The following HNRNPLL variants were observed in gnomAD, a reference collection of about 807,000 sequenced individuals.
The protein encoded by HNRNPLL is heterogeneous nuclear ribonucleoprotein L like, also known as heterogeneous nuclear ribonucleoprotein L-like.
A neutral mutation model predicts 67.1 loss-of-function variants in HNRNPLL; 25 were observed. That is an observed-to-expected ratio of 0.37 (90% CI 0.27 to 0.52). The LOEUF (loss-of-function observed/expected upper bound fraction) is 0.52. Among genes scored for constraint, HNRNPLL ranks in the 20% least tolerant of loss-of-function variants. The probability of loss-of-function intolerance (pLI) is 0.90; values close to 1 mark genes in which losing one functional copy is unlikely to be tolerated. For missense variants in HNRNPLL, 542 were observed against 673.9 expected, an observed-to-expected ratio of 0.80 and a Z score of 2.17; for synonymous variants, 267 against 241.7, an observed-to-expected ratio of 1.10 and a Z score of -0.97.
chr2:38,600,191 G>A (rs765650950), intron 1 of HNRNPLL, among the ~76,000 whole-genome samples: 9 of 152,132 alleles, frequency 5.9e-5, no homozygotes, highest in Non-Finnish European at 1.3e-4. Context: ...TGGTTTTACT[G>A]TTAAATGAAA....
At position 38,602,501 on chromosome 2, in the gene HNRNPLL, G is replaced by C; in HGVS notation, c.126C>G (p.Arg42=). 3.9e-6 allele frequency: 6 copies of C among 1,548,382 alleles called. No homozygotes were observed. Among genetic ancestry groups the C allele is most frequent in the Non-Finnish European group, 5.2e-6 (6 of 1,148,360 alleles). Residue 42 remains arginine (R), a synonymous_variant, in exon 1 of 13, where the codon CGC becomes CGG. Coordinates refer to ENST00000449105, the MANE Select transcript of HNRNPLL (RefSeq NM_138394.4). ...CCCCGCCCCGGGGCGTCGCTTCCCG[G>C]CGGTTCTCGCCTTCCTCGGCCGAGT... ...IDYSAEEGEN[R]REATPRGGGD... is the part of the protein sequence containing the mutation.
intron 1 of HNRNPLL, chr2:38,599,749 C>A: frequency 3.0e-6 from 1 of 337,810 alleles, no homozygotes; most frequent in South Asian, 2.3e-5. Flanking sequence ...TTCTTAAATA[C>A]TCACTTTCCT....
At chr2:38,586,840 C>G (rs1315319463) in intron 2 of HNRNPLL, among the ~76,000 whole-genome samples, 1 of 151,730 alleles carries the variant, frequency 6.6e-6, no homozygotes, top group Non-Finnish European at 1.5e-5. Context: ...AACGAAGCAG[C>G]CAAAAAAACC....
At chr2:38,600,543 T>C (rs1167293420) in intron 1 of HNRNPLL, among the ~76,000 whole-genome samples, 1 of 151,864 alleles carries the variant, frequency 6.6e-6, no homozygotes, top group African/African-American at 2.4e-5. Context: ...GCTTTGGCAA[T>C]ATGGTGAAAC....
intron 4 of HNRNPLL, among the ~76,000 whole-genome samples, chr2:38,583,065 C>G (rs559948275): frequency 6.6e-6 from 1 of 152,170 alleles, no homozygotes; most frequent in South Asian, 2.1e-4. Context: ...TTAAGAAGAA[C>G]ATTACAAAGA....
chr2:38,595,152 C>T (rs773391506), intron 1 of HNRNPLL, among the ~76,000 whole-genome samples: 3 of 150,522 alleles, frequency 2.0e-5, no homozygotes, highest in Non-Finnish European at 4.4e-5. Flanking sequence ...TGGTGGGGTA[C>T]GCCTGTAGTC....
At chr2:38,593,122 G>A (rs1667027350) in intron 1 of HNRNPLL, among the ~76,000 whole-genome samples, 1 of 152,132 alleles carries the variant, frequency 6.6e-6, no homozygotes, top group Non-Finnish European at 1.5e-5. Flanking sequence ...TCTATCCTTG[G>A]AATTTATTTG....
Position 38,564,144 on chromosome 2 carries a change from A to G in HNRNPLL, c.*38T>C, listed in dbSNP as rs776523384. On this transcript the variant is annotated 3_prime_UTR_variant, in exon 13 of 13. Coordinates refer to ENST00000449105, the MANE Select transcript of HNRNPLL (RefSeq NM_138394.4). The stretch of plus-strand genomic sequence containing the variant: ...AATGAAGTGTAGCTTTGAAATTGTA[A>G]TAAAGGTGAACATAAATTCTAACAT... 8.1e-7 allele frequency: 1 copy of G among 1,239,756 alleles called. No homozygotes were observed. The highest frequency in any genetic ancestry group is 1.2e-6 in the Non-Finnish European group (1 of 844,066). The allele number at this position is 1,239,756 out of a possible 1,614,324, so 76.8% of individuals were successfully genotyped here. A position where few individuals can be genotyped will look rare whatever the true frequency, so the allele number is the denominator to read the frequency against.
intron 6 of HNRNPLL, chr2:38,578,107 C>T: frequency 4.5e-6 from 2 of 440,990 alleles, no homozygotes; most frequent in South Asian, 3.3e-5. Context: ...ACATCACTGA[C>T]TCATATTATA....
At position 38,602,690 on chromosome 2, in the gene HNRNPLL, TGCCGCCGGCCAGTCCTC is replaced by T; in HGVS notation, c.-81_-65del. 3 of 1,423,438 alleles carry T rather than the reference TGCCGCCGGCCAGTCCTC, an allele frequency of 2.1e-6. No homozygotes were observed. Among genetic ancestry groups the T allele is most frequent in the Non-Finnish European group, 2.7e-6 (3 of 1,094,822 alleles). 88.2% of individuals were successfully genotyped at this position (1,423,438 alleles called of 1,614,324 possible). A position where few individuals can be genotyped will look rare whatever the true frequency, so the allele number is the denominator to read the frequency against. ...GTGGCGGTGGGGCGCGCGCCTCGGA[TGCCGCCGGCCAGTCCTC>T]GCCGCCGGCAGCGCCTCTTCTGCGA... On this transcript the variant is annotated 5_prime_UTR_variant, in exon 1 of 13. Coordinates refer to ENST00000449105, the MANE Select transcript of HNRNPLL (RefSeq NM_138394.4).
chr2:38,596,913 T>C (rs1667216734), intron 1 of HNRNPLL, among the ~76,000 whole-genome samples: 1 of 152,230 alleles, frequency 6.6e-6, no homozygotes, highest in African/African-American at 2.4e-5. Flanking sequence ...GGGTTAACTG[T>C]AATGGCAGCA....
chr2:38,572,099 G>GT (rs1382689821), intron 8 of HNRNPLL, among the ~76,000 whole-genome samples: 2 of 152,160 alleles, frequency 1.3e-5, no homozygotes, highest in African/African-American at 4.8e-5. Flanking sequence ...GCCTAAGATA[G>GT]TGTCTGTGTG....
intron 10 of HNRNPLL, 149 bp downstream of exon 10, chr2:38,568,984 C>A: frequency 1.6e-6 from 1 of 610,618 alleles, no homozygotes; most frequent in South Asian, 2.1e-5. Flanking sequence ...GTACAATGGT[C>A]AAAGAATAAA....
chr2:38,565,446 C>T lies in HNRNPLL; in HGVS notation c.1574-1209G>A, dbSNP rs1665819980. ...AGAAAGCCGACACTGTGGCTTGTGC[C>T]TACAATCCCAGCAACTTGGGAGGCT... On this transcript the variant is annotated intron_variant, in intron 12 of 12. Coordinates refer to ENST00000449105, the MANE Select transcript of HNRNPLL (RefSeq NM_138394.4). 3.9e-5 allele frequency among the ~76,000 whole-genome samples: 6 copies of T among 152,180 alleles called. No individual in the cohort carries two copies. The South Asian group carries it at 1.2e-3, about 32-fold the overall frequency.
chr2:38,590,526 GAAC>G (rs1666917255), intron 2 of HNRNPLL, among the ~76,000 whole-genome samples: 1 of 152,110 alleles, frequency 6.6e-6, no homozygotes, highest in Non-Finnish European at 1.5e-5. Flanking sequence ...ACTAAGAAAA[GAAC>G]AACAGCCGGG....
rs754251156 is a variant in HNRNPLL, at chr2:38,564,197, T to C, written c.1614A>G (p.Thr538=). The change falls in exon 13 of 13, where the codon ACA becomes ACG. Residue 538 remains threonine, a synonymous_variant. Coordinates refer to ENST00000449105, the MANE Select transcript of HNRNPLL (RefSeq NM_138394.4). ...NPYTLKLCFS[T]SSHL Reference sequence around the variant, plus strand: ...TCTTCTCTTCTTATAAATGGGATGATGTAGAAAAGCAAAGCTTCAATGTAT... The same window carrying C: ...TCTTCTCTTCTTATAAATGGGATGACGTAGAAAAGCAAAGCTTCAATGTAT... 1.9e-6 allele frequency: 3 copies of C among 1,557,220 alleles called. No homozygotes were observed. In the Admixed American group the frequency reaches 5.0e-5, roughly 26 times the overall value.
At chr2:38,576,499 T>A (rs1210560149) in intron 7 of HNRNPLL, among the ~76,000 whole-genome samples, 1 of 151,746 alleles carries the variant, frequency 6.6e-6, no homozygotes, top group Non-Finnish European at 1.5e-5. Flanking sequence ...ACAGAGATGG[T>A]TTCAATCTTT....
chr2:38,598,016 T>G (rs890891038), intron 1 of HNRNPLL, among the ~76,000 whole-genome samples: 1 of 148,298 alleles, frequency 6.7e-6, no homozygotes, highest in Non-Finnish European at 1.5e-5. Flanking sequence ...AAAACAAACT[T>G]TTTTTTTTTT....
intron 12 of HNRNPLL, among the ~76,000 whole-genome samples, chr2:38,564,811 C>T (rs1665793919): frequency 6.6e-6 from 1 of 151,700 alleles, no homozygotes; most frequent in African/African-American, 2.4e-5. Context: ...CAGGATTAAG[C>T]AGCAAAGCTC....
Sources: allele counts gnomAD v4.1 joint callset (sites outside exome capture counted in the v4.1 genomes callset), GRCh38; gene constraint gnomAD v4.1.1; transcripts MANE v1.5; gene names NCBI Gene and HGNC (gene_info 2026-07-23, HGNC 2026-07-21).